NECAB1: variants seen among roughly 807,000 people sequenced by gnomAD.
NECAB1 encodes N-terminal EF-hand calcium-binding protein 1.
In NECAB1, 29 loss-of-function variants were observed where a neutral mutation model predicts 57.5. The observed-to-expected ratio is 0.50, with a 90% confidence interval of 0.38 to 0.69. The LOEUF is 0.69. Ranked by LOEUF, NECAB1 falls within the 30% of genes least tolerant of loss-of-function variation. The pLI, the probability that NECAB1 is intolerant of heterozygous loss-of-function variation, is 0.00. For missense variants in NECAB1, 372 were observed against 413.8 expected, an observed-to-expected ratio of 0.90 and a Z score of 0.88; for synonymous variants, 142 against 147.7, an observed-to-expected ratio of 0.96 and a Z score of 0.28.
intron 4 of NECAB1, among the ~76,000 whole-genome samples, chr8:90,878,103 T>C (rs6471262): frequency 0.49 from 74,378 of 151,664 alleles, 23,056 homozygotes; most frequent in African/African-American, 0.85. Flanking sequence ...GTGGCACAAT[T>C]TCGGCTCACT....
rs1045926321 is a variant in NECAB1 at position 90,959,073 on chromosome 8, A to G, written c.*3561A>G. On this transcript the variant is annotated 3_prime_UTR_variant, in exon 13 of 13. Coordinates refer to ENST00000417640, the MANE Select transcript of NECAB1 (RefSeq NM_022351.5). ...AAGTTAATTTATCAATTGATTGAAT[A>G]CAGTTTTTACTAATTAGTTTATCAA... The G allele has an allele frequency of 3.9e-5, 36 of 923,594 alleles. No individual in the cohort carries two copies. The highest frequency in any genetic ancestry group is 5.3e-5 in the Non-Finnish European group (33 of 621,836). 57.2% of individuals were successfully genotyped at this position (923,594 alleles called of 1,614,324 possible).
intron 6 of NECAB1, among the ~76,000 whole-genome samples, chr8:90,917,846 A>G (rs1321085501): frequency 1.3e-5 from 1 of 79,324 alleles, no homozygotes; most frequent in Non-Finnish European, 2.0e-5. Context: ...TAAACTATAT[A>G]TATATATATA....
At chr8:90,844,968 A>G (rs1812528514) in intron 3 of NECAB1, among the ~76,000 whole-genome samples, 2 of 152,226 alleles carry the variant, frequency 1.3e-5, no homozygotes, top group African/African-American at 4.8e-5. Flanking sequence ...TGGCAAGTTT[A>G]AAATCTGCAG....
intron 2 of NECAB1, among the ~76,000 whole-genome samples, chr8:90,816,290 C>T (rs1271424412): frequency 6.6e-6 from 1 of 151,788 alleles, no homozygotes; most frequent in Non-Finnish European, 1.5e-5. Context: ...AATATTTTCT[C>T]CCAGACTGTG....
At chr8:90,860,036 T>G (rs974794720) in intron 3 of NECAB1, among the ~76,000 whole-genome samples, 1 of 151,576 alleles carries the variant, frequency 6.6e-6, no homozygotes, top group South Asian at 2.1e-4. Flanking sequence ...AGGACAAGAG[T>G]TGGGATTCAA....
intron 5 of NECAB1, among the ~76,000 whole-genome samples, chr8:90,916,360 T>A (rs774592592): frequency 6.6e-6 from 1 of 152,198 alleles, no homozygotes; most frequent in Non-Finnish European, 1.5e-5. Flanking sequence ...TTGGAATGTA[T>A]GCCAGAGTTA....
At chr8:90,909,683 TG>T in intron 5 of NECAB1, among the ~76,000 whole-genome samples, 1 of 152,244 alleles carries the variant, frequency 6.6e-6, no homozygotes, top group Non-Finnish European at 1.5e-5. Flanking sequence ...TATTTTGTTT[TG>T]TTTTTTACTC....
intron 5 of NECAB1, among the ~76,000 whole-genome samples, chr8:90,913,167 C>T (rs1020168291): frequency 2.0e-5 from 3 of 152,148 alleles, no homozygotes; most frequent in Non-Finnish European, 2.9e-5. Flanking sequence ...GATGCACAGA[C>T]AGTTTTCTAA....
At chr8:90,879,061 CTT>C (rs1808784616) in intron 4 of NECAB1, among the ~76,000 whole-genome samples, 3 of 130,232 alleles carry the variant, frequency 2.3e-5, no homozygotes, top group Middle Eastern at 3.9e-3. Flanking sequence ...TAATATATAT[CTT>C]ATATATAATA....
chr8:90,835,048 C>T (rs890369056), intron 3 of NECAB1, among the ~76,000 whole-genome samples: 11 of 148,600 alleles, frequency 7.4e-5, no homozygotes, highest in African/African-American at 1.5e-4. Flanking sequence ...AATTTCTATT[C>T]TGCATTCTCA....
intron 3 of NECAB1, among the ~76,000 whole-genome samples, chr8:90,827,583 C>G (rs1007597734): frequency 6.6e-6 from 1 of 151,966 alleles, no homozygotes. Context: ...AAATTCAAGT[C>G]TTTTTGCTAC....
intron 2 of NECAB1, among the ~76,000 whole-genome samples, chr8:90,818,294 G>A (rs1265514684): frequency 6.6e-6 from 1 of 151,480 alleles, no homozygotes; most frequent in Admixed American, 6.6e-5. Context: ...ATTGATTTCT[G>A]CCCTAATTTT....
intron 3 of NECAB1, among the ~76,000 whole-genome samples, chr8:90,845,452 C>T (rs1812537739): frequency 6.6e-6 from 1 of 152,070 alleles, no homozygotes; most frequent in Admixed American, 6.6e-5. Context: ...TTCACTTGTG[C>T]TAATTAGAAC....
chr8:90,797,065 C>G (rs1811674035), intron 1 of NECAB1, among the ~76,000 whole-genome samples: 1 of 152,212 alleles, frequency 6.6e-6, no homozygotes, highest in African/African-American at 2.4e-5. Context: ...CGTTTCATGT[C>G]TCCCTGACTC....
chr8:90,936,266 G>A (rs1044676243), intron 9 of NECAB1, among the ~76,000 whole-genome samples: 1 of 152,038 alleles, frequency 6.6e-6, no homozygotes, highest in African/African-American at 2.4e-5. Context: ...TTTTCCATTA[G>A]TGAATGCTTG....
intron 5 of NECAB1, among the ~76,000 whole-genome samples, chr8:90,913,033 A>T (rs1017505739): frequency 2.0e-5 from 3 of 152,176 alleles, no homozygotes; most frequent in Non-Finnish European, 4.4e-5. Flanking sequence ...CTAACCCTAG[A>T]TGTCACTGAC....
In NECAB1 at chr8:90,955,870, A is replaced by G. The variant is rs1309327282; in HGVS notation, c.*358A>G. On this transcript the variant is annotated 3_prime_UTR_variant, in exon 13 of 13. Coordinates refer to ENST00000417640, the MANE Select transcript of NECAB1 (RefSeq NM_022351.5). The stretch of plus-strand genomic sequence containing the variant: ...AAGAAAAAATAAAGTGGAAACTTTT[A>G]GAGTATTACTTCATAGGGCAGATTT... 1 of 187,346 alleles carries G rather than the reference A, an allele frequency of 5.3e-6. No individual in the cohort carries two copies. The highest frequency in any genetic ancestry group is 1.1e-5 in the Non-Finnish European group (1 of 91,380). The allele number at this position is 187,346 out of a possible 1,614,324, so 11.6% of individuals were successfully genotyped here.
chr8:90,955,117 TATA>T lies in NECAB1; in HGVS notation c.1031-369_1031-367del, dbSNP rs1563548996. On this transcript the variant is annotated intron_variant, in intron 12 of 12. Coordinates refer to ENST00000417640, the MANE Select transcript of NECAB1 (RefSeq NM_022351.5). ...ATAAATATTGGGTATATAAATTATA[TATA>T]TATATATATATATATATATATATAT... 2.2e-4 allele frequency among the ~76,000 whole-genome samples: 19 copies of T among 86,860 alleles called. 1 individual carries two copies. The highest frequency in any genetic ancestry group is 1.3e-3 in the African/African-American group (18 of 14,020). The allele number at this position is 86,860 out of a possible 152,430, so 57.0% of individuals were successfully genotyped here.
At chr8:90,849,789 G>A (rs1281075415) in intron 3 of NECAB1, among the ~76,000 whole-genome samples, 1 of 144,840 alleles carries the variant, frequency 6.9e-6, no homozygotes, top group Admixed American at 7.3e-5. Context: ...TGCCTTCCAG[G>A]TTCACGCCAT....
Sources: gnomAD v4.1 joint callset for allele counts (sites outside exome capture counted in the v4.1 genomes callset) on GRCh38, gnomAD v4.1.1 for gene constraint, MANE v1.5 for transcripts, NCBI Gene and HGNC (gene_info 2026-07-23, HGNC 2026-07-21) for gene names.